STXBP5L: variants seen among roughly 807,000 people sequenced by gnomAD.
STXBP5L encodes the protein syntaxin-binding protein 5-like.
In STXBP5L, 65 loss-of-function variants were observed where a neutral mutation model predicts 144.5. That is an observed-to-expected ratio of 0.45 (90% confidence interval 0.37 to 0.55). The LOEUF (loss-of-function observed/expected upper bound fraction) is 0.55. Among genes scored for constraint, STXBP5L ranks in the 20% least tolerant of loss-of-function variants. The pLI, the probability that STXBP5L is intolerant of heterozygous loss-of-function variation, is 0.00. For synonymous variants in STXBP5L, 505 were observed against 469.6 expected (o/e 1.08, Z -0.97); for missense variants, 1,298 against 1,405.5 (o/e 0.92, Z 1.22).
intron 2 of STXBP5L, among the ~76,000 whole-genome samples, chr3:120,931,697 G>A (rs1343565097): frequency 6.6e-6 from 1 of 152,168 alleles, no homozygotes; most frequent in Non-Finnish European, 1.5e-5. Context: ...GCAACAATTT[G>A]TATTGGTCGA....
At chr3:121,248,378 A>C (rs1419463999) in intron 14 of STXBP5L, among the ~76,000 whole-genome samples, 2 of 151,886 alleles carry the variant, frequency 1.3e-5, no homozygotes, top group Non-Finnish European at 2.9e-5. Context: ...TTTGATTTTC[A>C]TTTCTCTAAT....
At chr3:121,136,274 A>T (rs1437754741) in intron 7 of STXBP5L, among the ~76,000 whole-genome samples, 1 of 152,150 alleles carries the variant, frequency 6.6e-6, no homozygotes, top group East Asian at 1.9e-4. Context: ...TATAGTGCCC[A>T]CCACAGTAAA....
At chr3:121,071,739 TCAC>T (rs2041820491) in intron 5 of STXBP5L, among the ~76,000 whole-genome samples, 1 of 152,190 alleles carries the variant, frequency 6.6e-6, no homozygotes, top group Non-Finnish European at 1.5e-5. Flanking sequence ...TTTCTCTTAC[TCAC>T]CCTTATATTT....
intron 9 of STXBP5L, among the ~76,000 whole-genome samples, chr3:121,192,636 G>A (rs2047743569): frequency 6.6e-6 from 1 of 152,198 alleles, no homozygotes; most frequent in South Asian, 2.1e-4. Flanking sequence ...ATAGACCAAT[G>A]GAACAGAACA....
chr3:121,136,841 A>G (rs1009385843), intron 7 of STXBP5L, among the ~76,000 whole-genome samples: 5 of 152,240 alleles, frequency 3.3e-5, no homozygotes, highest in South Asian at 4.1e-4. Flanking sequence ...GTGCCCATCA[A>G]TGGTGGACTG....
chr3:120,912,623 C>CA lies in STXBP5L; in HGVS notation c.189+2870dup, dbSNP rs555613375. Reference sequence around the variant, plus strand: ...GAAGAAACTTTGGTTCAAGGTCAGCCAAAAAAAAAAAAAAGTTAATGCATT... The same window carrying CA: ...GAAGAAACTTTGGTTCAAGGTCAGCCAAAAAAAAAAAAAAAGTTAATGCATT... On this transcript the variant is annotated intron_variant, in intron 2 of 26. Coordinates refer to ENST00000471454, the MANE Select transcript of STXBP5L (RefSeq NM_001308330.2). Among the ~76,000 whole-genome samples, 972 of 125,170 alleles carry CA rather than the reference C, an allele frequency of 7.8e-3. 9 individuals are homozygous for CA. The highest frequency in any genetic ancestry group is 0.046 in the East Asian group (202 of 4,396). The allele number at this position is 125,170 out of a possible 152,430, so 82.1% of individuals were successfully genotyped here. A position where few individuals can be genotyped will look rare whatever the true frequency, so the allele number is the denominator to read the frequency against.
chr3:121,097,821 G>T (rs922614234), intron 5 of STXBP5L, among the ~76,000 whole-genome samples: 1 of 152,100 alleles, frequency 6.6e-6, no homozygotes, highest in Non-Finnish European at 1.5e-5. Context: ...ATATCAAATG[G>T]AACTAATTGA....
In STXBP5L at chr3:121,149,947, A is replaced by G. The variant is rs775217741; in HGVS notation, c.670-2530A>G. On this transcript the variant is annotated intron_variant, in intron 7 of 26. Coordinates refer to ENST00000471454, the MANE Select transcript of STXBP5L (RefSeq NM_001308330.2). Reference sequence around the variant, plus strand: ...GTTTTTCTTCTCTACGTACATATTTACAAAACCATAAAATTTCCTCTTAAG... The same window carrying G: ...GTTTTTCTTCTCTACGTACATATTTGCAAAACCATAAAATTTCCTCTTAAG... 2.3e-4 allele frequency among the ~76,000 whole-genome samples: 35 copies of G among 152,066 alleles called. 1 individual carries two copies. The highest frequency in any genetic ancestry group is 5.9e-5 in the Non-Finnish European group (4 of 67,978).
At chr3:120,971,581 A>G (rs1940256822) in intron 3 of STXBP5L, among the ~76,000 whole-genome samples, 1 of 151,766 alleles carries the variant, frequency 6.6e-6, no homozygotes, top group Non-Finnish European at 1.5e-5. Flanking sequence ...TATTGCTGCA[A>G]AATACACGAC....
intron 3 of STXBP5L, among the ~76,000 whole-genome samples, chr3:120,977,528 C>G (rs917641229): frequency 6.6e-6 from 1 of 152,272 alleles, no homozygotes; most frequent in South Asian, 2.1e-4. Context: ...TTAATTGTAG[C>G]ATTTAGTCCT....
chr3:121,045,365 G>A, intron 4 of STXBP5L, 70 bp from the exon 5 acceptor site: 2 of 1,389,376 alleles, frequency 1.4e-6, no homozygotes, highest in East Asian at 2.4e-5. Flanking sequence ...GAGTAAATTA[G>A]CTTGTTTGTG....
At chr3:121,289,205 T>C (rs1204851704) in intron 19 of STXBP5L, among the ~76,000 whole-genome samples, 1 of 152,156 alleles carries the variant, frequency 6.6e-6, no homozygotes, top group Non-Finnish European at 1.5e-5. Flanking sequence ...GGAGTAGCTA[T>C]TCTTATATCA....
intron 22 of STXBP5L, among the ~76,000 whole-genome samples, chr3:121,393,189 A>G (rs7645849): frequency 0.79 from 118,502 of 150,086 alleles, 46,934 homozygotes; most frequent in East Asian, 0.89. Flanking sequence ...ATGATGTTGA[A>G]CATTTTTTTT....
chr3:120,945,893 G>GCAAGCATGA (rs1710829848), intron 2 of STXBP5L, among the ~76,000 whole-genome samples: 1 of 151,798 alleles, frequency 6.6e-6, no homozygotes, highest in Admixed American at 6.6e-5. Context: ...TCTCAGACAT[G>GCAAGCATGA]CAAGCATGAA....
intron 3 of STXBP5L, among the ~76,000 whole-genome samples, chr3:120,975,759 G>T (rs1354634984): frequency 6.6e-6 from 1 of 152,102 alleles, no homozygotes; most frequent in Non-Finnish European, 1.5e-5. Flanking sequence ...ATGAAGAGTT[G>T]TTGAATTTTG....
chr3:121,311,556 A>G (rs2043529565), intron 19 of STXBP5L, among the ~76,000 whole-genome samples: 1 of 152,226 alleles, frequency 6.6e-6, no homozygotes, highest in African/African-American at 2.4e-5. Context: ...TAACAGACAA[A>G]CAGAGAGCCA....
intron 18 of STXBP5L, among the ~76,000 whole-genome samples, chr3:121,264,588 C>A (rs1204759575): frequency 2.0e-5 from 3 of 152,110 alleles, no homozygotes; most frequent in African/African-American, 7.2e-5. Context: ...AAATAACCAG[C>A]TAGCGTCATA....
At chr3:121,268,106 C>T (rs2108410416) in intron 18 of STXBP5L, among the ~76,000 whole-genome samples, 1 of 152,268 alleles carries the variant, frequency 6.6e-6, no homozygotes, top group African/African-American at 2.4e-5. Context: ...GACACATGCA[C>T]ACATGTGTTT....
chr3:121,348,440 A>T (rs1398171786), intron 20 of STXBP5L, among the ~76,000 whole-genome samples: 1 of 151,940 alleles, frequency 6.6e-6, no homozygotes, highest in Non-Finnish European at 1.5e-5. Context: ...TGTCTCTGTC[A>T]GGCTTTGGTA....
Sources: gnomAD v4.1 joint callset for allele counts (sites outside exome capture counted in the v4.1 genomes callset) on GRCh38, gnomAD v4.1.1 for gene constraint, MANE v1.5 for transcripts, NCBI Gene and HGNC (gene_info 2026-07-23, HGNC 2026-07-21) for gene names.